The following CHRM3 variants were observed in gnomAD, a reference collection of about 807,000 sequenced individuals.
The protein encoded by CHRM3 is muscarinic acetylcholine receptor M3.
In CHRM3, 11 loss-of-function variants were observed where a neutral mutation model predicts 41.8. The observed-to-expected ratio is 0.26, with a 90% confidence interval of 0.17 to 0.44. The LOEUF (loss-of-function observed/expected upper bound fraction) is 0.44, where lower values mean the gene tolerates loss of function less well. CHRM3 is among the 20% of genes least tolerant of loss of function. The pLI, the probability that CHRM3 is intolerant of heterozygous loss-of-function variation, is 1.00. For missense variants in CHRM3, 571 were observed against 745.4 expected, an observed-to-expected ratio of 0.77 and a Z score of 2.72; for synonymous variants, 297 against 301.4, an observed-to-expected ratio of 0.99 and a Z score of 0.15.
chr1:239,806,444 C>CACA lies in CHRM3; in HGVS notation c.-146-20808_-146-20807insACA, dbSNP rs1558138860. 2.1e-3 allele frequency among the ~76,000 whole-genome samples: 254 copies of CACA among 123,036 alleles called. 2 individuals carry two copies. Among genetic ancestry groups the CACA allele is most frequent in the African/African-American group, 7.1e-3 (191 of 26,978 alleles). 80.7% of individuals were successfully genotyped at this position (123,036 alleles called of 152,430 possible). A position where few individuals can be genotyped will look rare whatever the true frequency, so the allele number is the denominator to read the frequency against. On this transcript the variant is annotated intron_variant, in intron 5 of 6. Coordinates refer to ENST00000676153, the MANE Select transcript of CHRM3 (RefSeq NM_001375978.1). ...CACACACACACACACACACACACAC[C>CACA]CCTGTGGACATCCAGAGATTGTAAT...
intron 3 of CHRM3, among the ~76,000 whole-genome samples, chr1:239,631,235 ACT>A (rs1295098956): frequency 2.0e-5 from 3 of 151,968 alleles, no homozygotes; most frequent in Non-Finnish European, 4.4e-5. Flanking sequence ...TTGCTGTAAA[ACT>A]CTCTCGAAGT....
At chr1:239,765,446 T>C (rs1667126012) in intron 5 of CHRM3, among the ~76,000 whole-genome samples, 1 of 152,220 alleles carries the variant, frequency 6.6e-6, no homozygotes, top group African/African-American at 2.4e-5. Context: ...TGATGCTAAT[T>C]GTTTATAGCA....
chr1:239,758,839 C>T (rs1666454508), intron 5 of CHRM3, among the ~76,000 whole-genome samples: 5 of 152,102 alleles, frequency 3.3e-5, no homozygotes. Context: ...AAGTTGGTCT[C>T]ATAGATATTC....
chr1:239,593,475 T>C (rs1664421432), intron 3 of CHRM3, among the ~76,000 whole-genome samples: 1 of 48,696 alleles, frequency 2.1e-5, no homozygotes, highest in Admixed American at 3.7e-4. Context: ...TTAGACCATT[T>C]CTTTTTAAAA....
intron 4 of CHRM3, among the ~76,000 whole-genome samples, chr1:239,661,548 G>C (rs1354928050): frequency 6.6e-6 from 1 of 152,138 alleles, no homozygotes; most frequent in East Asian, 1.9e-4. Flanking sequence ...CTAAGTAAAA[G>C]GAGCCAGGCT....
At chr1:239,759,763 C>T (rs1371282065) in intron 5 of CHRM3, among the ~76,000 whole-genome samples, 5 of 152,094 alleles carry the variant, frequency 3.3e-5, no homozygotes, top group Admixed American at 6.5e-5. Context: ...TTTCTCTCTA[C>T]TGGAATAAAA....
At chr1:239,809,019 ATTTTT>A (rs34075379) in intron 5 of CHRM3, among the ~76,000 whole-genome samples, 1 of 125,218 alleles carries the variant, frequency 8.0e-6, no homozygotes, top group Non-Finnish European at 1.6e-5. Context: ...TCTGAAGTCC[ATTTTT>A]TTTTTTTTTT....
intron 2 of CHRM3, among the ~76,000 whole-genome samples, chr1:239,537,533 A>T (rs904995527): frequency 1.1e-4 from 16 of 152,116 alleles, no homozygotes; most frequent in African/African-American, 2.9e-4. Flanking sequence ...TGGGGATTCC[A>T]TCTCAACATG....
intron 5 of CHRM3, among the ~76,000 whole-genome samples, chr1:239,766,672 T>TATAGATATAGATATAG (rs1367483454): frequency 1.4e-5 from 2 of 145,564 alleles, no homozygotes; most frequent in African/African-American, 2.7e-5. Flanking sequence ...TGGATATAGA[T>TATAGATATAGATATAG]ATATAGATAT....
At chr1:239,684,052 G>A (rs1658831793) in intron 5 of CHRM3, among the ~76,000 whole-genome samples, 1 of 152,178 alleles carries the variant, frequency 6.6e-6, no homozygotes, top group Admixed American at 6.5e-5. Flanking sequence ...AGTAATTCAT[G>A]TATTTAGGAT....
At chr1:239,688,949 C>T (rs1659446254) in intron 5 of CHRM3, among the ~76,000 whole-genome samples, 1 of 146,794 alleles carries the variant, frequency 6.8e-6, no homozygotes, top group Non-Finnish European at 1.5e-5. Context: ...GTTAAACTTG[C>T]CCTGCAATCT....
At chr1:239,388,721 A>G (rs1658756478) in intron 1 of CHRM3, among the ~76,000 whole-genome samples, 2 of 152,344 alleles carry the variant, frequency 1.3e-5, no homozygotes, top group Non-Finnish European at 1.5e-5. Context: ...CCCTCTTGTT[A>G]TAAGAGCTGA....
At chr1:239,906,395 T>C (rs1184687785) in intron 6 of CHRM3, among the ~76,000 whole-genome samples, 1 of 152,194 alleles carries the variant, frequency 6.6e-6, no homozygotes, top group Non-Finnish European at 1.5e-5. Flanking sequence ...ACTCATAGAA[T>C]GACACTGATT....
intron 1 of CHRM3, among the ~76,000 whole-genome samples, chr1:239,463,958 C>CT (rs1665537978): frequency 6.6e-6 from 1 of 152,134 alleles, no homozygotes; most frequent in Non-Finnish European, 1.5e-5. Flanking sequence ...TTAAATATTA[C>CT]TTCCACAGTG....
At chr1:239,408,521 CAAAAAAAAAAAA>C (rs371319364) in intron 1 of CHRM3, among the ~76,000 whole-genome samples, 1 of 61,268 alleles carries the variant, frequency 1.6e-5, no homozygotes, top group African/African-American at 5.8e-5. Flanking sequence ...GAGACTCCGT[CAAAAAAAAAAAA>C]AAAAAAAAAA....
chr1:239,801,103 A>G (rs763712552), intron 5 of CHRM3, among the ~76,000 whole-genome samples: 13 of 152,350 alleles, frequency 8.5e-5, no homozygotes, highest in Middle Eastern at 6.8e-3. Flanking sequence ...GACAACCACT[A>G]ACATTTATTG....
At chr1:239,680,063 T>G (rs527615273) in intron 5 of CHRM3, among the ~76,000 whole-genome samples, 1 of 152,168 alleles carries the variant, frequency 6.6e-6, no homozygotes, top group African/African-American at 2.4e-5. Context: ...TACCTTCCCT[T>G]CTCTTTGTGT....
intron 5 of CHRM3, among the ~76,000 whole-genome samples, chr1:239,770,309 T>C (rs1348294860): frequency 1.3e-5 from 2 of 152,212 alleles, no homozygotes; most frequent in African/African-American, 4.8e-5. Flanking sequence ...TTTGGCTTTG[T>C]GGCCCTTTCC....
chr1:239,730,182 T>A (rs537235158), intron 5 of CHRM3, among the ~76,000 whole-genome samples: 1 of 152,152 alleles, frequency 6.6e-6, no homozygotes, highest in East Asian at 1.9e-4. Context: ...ATTTTAAAAT[T>A]GTTTTTTATC....
Sources: allele counts gnomAD v4.1 joint callset (sites outside exome capture counted in the v4.1 genomes callset), GRCh38; gene constraint gnomAD v4.1.1; transcripts MANE v1.5; gene names NCBI Gene and HGNC (gene_info 2026-07-23, HGNC 2026-07-21).